CEMIP2: variants seen among roughly 807,000 people sequenced by gnomAD.
The protein encoded by CEMIP2 is cell surface hyaluronidase CEMIP2.
In CEMIP2, 79 loss-of-function variants were observed where a neutral mutation model predicts 146.9. The observed-to-expected ratio is 0.54, with a 90% confidence interval of 0.45 to 0.65. CEMIP2 has a LOEUF of 0.65. CEMIP2 is among the 30% of genes least tolerant of loss of function. CEMIP2 has a pLI of 0.00. For synonymous variants in CEMIP2, 601 were observed against 606.3 expected (o/e 0.99, Z 0.13); for missense variants, 1,596 against 1,696.2 (o/e 0.94, Z 1.04).
At chr9:71,697,793 G>C (rs921763451) in intron 20 of CEMIP2, 192 bp downstream of exon 20, 2 of 570,794 alleles carry the variant, frequency 3.5e-6, no homozygotes, top group Non-Finnish European at 6.1e-6. Context: ...ACAGGGGCAA[G>C]TATCTCTGTC....
intron 5 of CEMIP2, among the ~76,000 whole-genome samples, chr9:71,736,010 C>A (rs962592546): frequency 4.6e-5 from 7 of 152,148 alleles, no homozygotes; most frequent in Non-Finnish European, 8.8e-5. Flanking sequence ...GGGAGGATCA[C>A]TTGAGCACAG....
intron 1 of CEMIP2, among the ~76,000 whole-genome samples, chr9:71,751,911 T>C (rs1386696331): frequency 6.6e-6 from 1 of 152,224 alleles, no homozygotes; most frequent in Non-Finnish European, 1.5e-5. Context: ...TGAGAAAGTC[T>C]AAAGTCTATC....
In CEMIP2 at chr9:71,714,955, G is replaced by C; in HGVS notation, c.2570C>G (p.Pro857Arg). 1 of 1,613,476 alleles carries C rather than the reference G, an allele frequency of 6.2e-7. No individual in the cohort carries two copies. Among genetic ancestry groups the C allele is most frequent in the Non-Finnish European group, 8.5e-7 (1 of 1,179,780 alleles). Residue 857 changes from proline to arginine, a missense_variant, in exon 15 of 24, where the codon CCT becomes CGT. Coordinates refer to ENST00000377044, the MANE Select transcript of CEMIP2 (RefSeq NM_013390.3). ...YVGTGGIDQK[P>R]RTLPRNRTFP... is the part of the protein sequence containing the mutation. ...TTACCTGTTCCTGGGTAATGTTCGA[G>C]GCTTCTGGTCTATTCCTCCAGTGCC...
chr9:71,766,069 T>C (rs911498871), intron 1 of CEMIP2, among the ~76,000 whole-genome samples: 1 of 149,808 alleles, frequency 6.7e-6, no homozygotes, highest in African/African-American at 2.5e-5. Flanking sequence ...TCTTCTTTTT[T>C]TTCTTTTTTT....
chr9:71,746,369 C>T (rs755674326), intron 2 of CEMIP2, 28 bp from the exon 3 acceptor site: 35 of 1,611,860 alleles, frequency 2.2e-5, no homozygotes, highest in Non-Finnish European at 2.9e-5. Flanking sequence ...TTCCATCCAA[C>T]CCATTAAAAT....
chr9:71,756,424 T>C (rs1424296471), intron 1 of CEMIP2, among the ~76,000 whole-genome samples: 1 of 150,418 alleles, frequency 6.6e-6, no homozygotes, highest in Non-Finnish European at 1.5e-5. Flanking sequence ...AGAAATCAAT[T>C]TGATTTTGTC....
chr9:71,764,163 T>G (rs958942616), intron 1 of CEMIP2, among the ~76,000 whole-genome samples: 1 of 152,180 alleles, frequency 6.6e-6, no homozygotes, highest in Non-Finnish European at 1.5e-5. Context: ...TACTTTAAAT[T>G]TCCATCCTGT....
At chr9:71,739,316 C>G (rs1310084962) in intron 5 of CEMIP2, among the ~76,000 whole-genome samples, 1 of 111,386 alleles carries the variant, frequency 9.0e-6, no homozygotes. Context: ...GCAGTGAGAT[C>G]ATGCCACTGC....
intron 5 of CEMIP2, 44 bp downstream of exon 5, chr9:71,740,019 A>G (rs745918079): frequency 2.5e-5 from 39 of 1,566,986 alleles, no homozygotes; most frequent in Non-Finnish European, 3.3e-5. Flanking sequence ...ATCTGTCATA[A>G]TACTTATCAG....
rs1373278457 is a variant in CEMIP2 at position 71,745,396 on chromosome 9, T to C, written c.656A>G (p.Lys219Arg). 4 of 1,614,056 alleles carry C rather than the reference T, an allele frequency of 2.5e-6. No homozygotes were observed. Among genetic ancestry groups the C allele is most frequent in the Non-Finnish European group, 2.5e-6 (3 of 1,180,028 alleles). Residue 219 changes from lysine to arginine, a missense_variant, in exon 4 of 24, where the codon AAA becomes AGA. By Grantham distance (26) the Lys-to-Arg change is conservative. Transcript: ENST00000377044. ...GCCAGCTTCCACACCAATAAACTTT[T>C]TGCCAAATGTTGGCATACTTTCACC... ...DEGESMPTFG[K>R]KFIGVEAGGT... is the part of the protein sequence containing the mutation.
chr9:71,700,625 T>C lies in CEMIP2; in HGVS notation c.3377+17A>G, dbSNP rs756311568. Reference sequence around the variant, plus strand: ...AAAAATAGGAATAATTCTCATTCCCTGGTTTCACTGAATTACCCCGTGCTG... The same window carrying C: ...AAAAATAGGAATAATTCTCATTCCCCGGTTTCACTGAATTACCCCGTGCTG... On this transcript the variant is annotated intron_variant, in intron 19 of 23. Transcript: ENST00000377044. 3.9e-6 allele frequency: 6 copies of C among 1,558,002 alleles called. No individual in the cohort carries two copies. Among genetic ancestry groups the C allele is most frequent in the Non-Finnish European group, 3.5e-6 (4 of 1,154,630 alleles).
intron 22 of CEMIP2, among the ~76,000 whole-genome samples, chr9:71,689,809 T>C (rs536748034): frequency 1.3e-5 from 2 of 152,202 alleles, no homozygotes; most frequent in Non-Finnish European, 2.9e-5. Context: ...AAAAGTGGGA[T>C]AGTAATGTTC....
chr9:71,688,200 A>C (rs1167785149), intron 22 of CEMIP2, among the ~76,000 whole-genome samples: 4 of 152,046 alleles, frequency 2.6e-5, no homozygotes, highest in African/African-American at 9.7e-5. Context: ...AGAACAAATC[A>C]GTGTTTAGGG....
chr9:71,698,257 C>T, intron 19 of CEMIP2, 53 bp from the exon 20 acceptor site: 2 of 1,515,232 alleles, frequency 1.3e-6, no homozygotes, highest in Non-Finnish European at 1.8e-6. Flanking sequence ...CAAAAACTTA[C>T]AAAATTCCTC....
rs551698776 is a variant in CEMIP2, at chr9:71,726,103, A to T, written c.2050-394T>A. On this transcript the variant is annotated intron_variant, in intron 10 of 23. Coordinates refer to ENST00000377044, the MANE Select transcript of CEMIP2 (RefSeq NM_013390.3). ...GTTTACCTCCAAACCTGTTCAATAG[A>T]TGAGTCATGCCTATTAAACAACTGT... Among the ~76,000 whole-genome samples the T allele has an allele frequency of 3.9e-5, 6 of 152,306 alleles. No individual in the cohort carries two copies. In the East Asian group the frequency reaches 1.2e-3, roughly 29 times the overall value.
Position 71,725,625 on chromosome 9 carries a change from G to C in CEMIP2, c.2134C>G (p.Pro712Ala). The C allele has an allele frequency of 6.2e-7, 1 of 1,613,954 alleles. No homozygotes were observed. Among genetic ancestry groups the C allele is most frequent in the Non-Finnish European group, 8.5e-7 (1 of 1,179,962 alleles). The change falls in exon 11 of 24, where the codon CCA becomes GCA. Residue 712 changes from proline (P) to alanine (A), a missense_variant. Coordinates refer to ENST00000377044, the MANE Select transcript of CEMIP2 (RefSeq NM_013390.3). ...LQLLAKPELT[P>A]LGIFYNNRVH... ...CTGTTGTTATAAAATATACCCAATG[G>C]AGTGAGTTCTGGTTTTGCCAAGAGC... is the stretch of plus-strand genomic sequence containing the variant.
chr9:71,696,984 C>T (rs1474450563), intron 20 of CEMIP2, among the ~76,000 whole-genome samples: 2 of 151,988 alleles, frequency 1.3e-5, no homozygotes, highest in Non-Finnish European at 2.9e-5. Flanking sequence ...ATTTAGTTTT[C>T]TCCATATTAA....
chr9:71,711,440 T>C (rs1234826842), intron 16 of CEMIP2, among the ~76,000 whole-genome samples: 1 of 150,748 alleles, frequency 6.6e-6, no homozygotes, highest in Non-Finnish European at 1.5e-5. Flanking sequence ...TGTGGTGGCA[T>C]ATGCTTGTAT....
At chr9:71,752,557 T>A in intron 1 of CEMIP2, among the ~76,000 whole-genome samples, 1 of 131,422 alleles carries the variant, frequency 7.6e-6, no homozygotes, top group East Asian at 2.5e-4. Flanking sequence ...GGGATAAATG[T>A]ATGGTGTGCC....
Sources: gnomAD v4.1 joint callset for allele counts (sites outside exome capture counted in the v4.1 genomes callset) on GRCh38, gnomAD v4.1.1 for gene constraint, MANE v1.5 for transcripts, NCBI Gene and HGNC (gene_info 2026-07-23, HGNC 2026-07-21) for gene names.